Variants in SEPTIN14 observed in about 807,000 individuals in gnomAD.
SEPTIN14 encodes the protein septin 14.
A neutral mutation model predicts 53.6 loss-of-function variants in SEPTIN14; 40 were observed. The ratio of observed to expected loss-of-function variants is 0.75; its 90% CI spans 0.58 to 0.97. The LOEUF (loss-of-function observed/expected upper bound fraction) is 0.97, where lower values mean the gene tolerates loss of function less well. Among genes scored for constraint, SEPTIN14 ranks in the 50% least tolerant of loss-of-function variants. The pLI is 0.00. For missense variants in SEPTIN14, 471 were observed against 508.2 expected (o/e 0.93, Z 0.70); for synonymous variants, 138 against 166.8 (o/e 0.83, Z 1.33).
chr7:55,817,382 G>C (rs758822889), intron 7 of SEPTIN14, among the ~76,000 whole-genome samples: 1 of 151,694 alleles, frequency 6.6e-6, no homozygotes, highest in African/African-American at 2.4e-5. Flanking sequence ...TTGGTCAAAG[G>C]ATACAAAATT....
rs1788622164 is a variant in SEPTIN14 at position 55,807,127 on chromosome 7, C to T, written c.949G>A (p.Gly317Ser). 6 of 1,602,980 alleles carry T rather than the reference C, an allele frequency of 3.7e-6. No homozygotes were observed. The highest frequency in any genetic ancestry group is 5.1e-6 in the Non-Finnish European group (6 of 1,176,828). ...TTGTTTGGACCCACATCTGTAAAGC[C>T]CATTTTCTGCAGTTTTTGGTACCTA... Reference protein sequence around the residue: ...CYRYQKLQKMGFTDVGPNNQP... With the variant: ...CYRYQKLQKMSFTDVGPNNQP... Residue 317 changes from glycine (G) to serine (S), a missense_variant, in exon 8 of 10, where the codon GGC becomes AGC. Gly to Ser is a moderately conservative substitution (Grantham distance 56, BLOSUM62 0). Coordinates refer to ENST00000388975, the MANE Select transcript of SEPTIN14 (RefSeq NM_207366.3).
At chr7:55,818,687 A>G (rs1334027271) in intron 7 of SEPTIN14, among the ~76,000 whole-genome samples, 1 of 152,194 alleles carries the variant, frequency 6.6e-6, no homozygotes, top group Non-Finnish European at 1.5e-5. Flanking sequence ...TAAAAAGTTT[A>G]TAACTCTTTT....
chr7:55,826,871 G>T (rs1048933150), intron 6 of SEPTIN14, among the ~76,000 whole-genome samples: 1 of 151,544 alleles, frequency 6.6e-6, no homozygotes, highest in Admixed American at 6.6e-5. Context: ...GCACCCTTCT[G>T]AGAGCCCGGC....
At chr7:55,843,569 C>T (rs1458305741) in intron 4 of SEPTIN14, among the ~76,000 whole-genome samples, 1 of 152,182 alleles carries the variant, frequency 6.6e-6, no homozygotes, top group African/African-American at 2.4e-5. Flanking sequence ...CGCGGTGGCT[C>T]ACGCCTGTAA....
At chr7:55,845,967 T>C (rs1054588243) in intron 3 of SEPTIN14, among the ~76,000 whole-genome samples, 7 of 146,778 alleles carry the variant, frequency 4.8e-5, no homozygotes, top group African/African-American at 1.8e-4. Context: ...GAGAATGGCA[T>C]GAACCTGGGA....
chr7:55,856,621 G>A (rs73356295), intron 2 of SEPTIN14, among the ~76,000 whole-genome samples: 35,719 of 151,694 alleles, frequency 0.24, 5,153 homozygotes, highest in East Asian at 0.41. Flanking sequence ...TCAAACTCCT[G>A]ACCTCAGGTG....
chr7:55,821,149 G>A (rs1584258422), intron 6 of SEPTIN14, among the ~76,000 whole-genome samples: 1 of 152,098 alleles, frequency 6.6e-6, no homozygotes, highest in Non-Finnish European at 1.5e-5. Flanking sequence ...TTGAGAGTTG[G>A]AGGCTCCCTT....
At chr7:55,817,142 A>T (rs6593282) in intron 7 of SEPTIN14, among the ~76,000 whole-genome samples, 31,321 of 152,026 alleles carry the variant, frequency 0.21, 4,224 homozygotes, top group East Asian at 0.43. Context: ...GAAGAAAAAA[A>T]GTGTGGCATA....
Position 55,857,394 on chromosome 7 carries a change from A to AAGAGAAGAGAAGAGAAGAGAAAGAAGAG in SEPTIN14, c.54+4521_54+4548dup, listed in dbSNP as rs1260518414. ...TCTCGAAAAGAAAAGAAAAGGAAAA[A>AAGAGAAGAGAAGAGAAGAGAAAGAAGAG]AGAGAAGAGAAGAGAAGAGAAAGAA... On this transcript the variant is annotated intron_variant, in intron 2 of 9. Transcript: ENST00000388975. 0.014 allele frequency among the ~76,000 whole-genome samples: 1,840 copies of AAGAGAAGAGAAGAGAAGAGAAAGAAGAG among 127,718 alleles called. 116 individuals carry two copies. The East Asian group carries it at 0.18, about 12-fold the overall frequency. 83.8% of individuals were successfully genotyped at this position (127,718 alleles called of 152,430 possible).
intron 2 of SEPTIN14, among the ~76,000 whole-genome samples, chr7:55,850,471 A>G (rs557604134): frequency 2.0e-5 from 3 of 152,312 alleles, no homozygotes; most frequent in African/African-American, 7.2e-5. Context: ...TCCATCTCAA[A>G]AAAACAAACA....
chr7:55,838,991 C>T (rs1285048140), intron 5 of SEPTIN14, among the ~76,000 whole-genome samples: 1 of 152,202 alleles, frequency 6.6e-6, no homozygotes, highest in Non-Finnish European at 1.5e-5. Context: ...CCCACTCCTT[C>T]TCACCCTGGA....
intron 2 of SEPTIN14, among the ~76,000 whole-genome samples, chr7:55,859,747 G>GA (rs530112817): frequency 6.2e-4 from 94 of 151,362 alleles, no homozygotes; most frequent in Non-Finnish European, 1.1e-3. Flanking sequence ...ATACCCAAAG[G>GA]AAAAAAAATC....
chr7:55,803,835 C>G (rs1480794568), intron 9 of SEPTIN14, among the ~76,000 whole-genome samples: 3 of 151,818 alleles, frequency 2.0e-5, no homozygotes, highest in African/African-American at 7.3e-5. Context: ...TGGTTTAAGT[C>G]TTCATGAGGC....
At chr7:55,817,025 C>T (rs187590128) in intron 7 of SEPTIN14, among the ~76,000 whole-genome samples, 3 of 152,226 alleles carry the variant, frequency 2.0e-5, no homozygotes, top group African/African-American at 7.2e-5. Context: ...CTACTGGATA[C>T]ATTACCTCCC....
At chr7:55,853,573 A>G (rs993755064) in intron 2 of SEPTIN14, among the ~76,000 whole-genome samples, 3 of 152,184 alleles carry the variant, frequency 2.0e-5, no homozygotes, top group African/African-American at 7.2e-5. Flanking sequence ...GGGTACAAGG[A>G]TATAGTTAGA....
intron 6 of SEPTIN14, among the ~76,000 whole-genome samples, chr7:55,829,154 G>T (rs989865049): frequency 7.2e-5 from 11 of 151,832 alleles, no homozygotes; most frequent in Non-Finnish European, 1.6e-4. Context: ...CAAGACAGGT[G>T]GATTGCCTGA....
chr7:55,813,691 T>G (rs111922573), intron 7 of SEPTIN14, among the ~76,000 whole-genome samples: 5,232 of 152,036 alleles, frequency 0.034, 154 homozygotes, highest in Non-Finnish European at 0.056. Context: ...AACTTTATCT[T>G]ACAACTTGAG....
intron 2 of SEPTIN14, among the ~76,000 whole-genome samples, chr7:55,847,642 T>A (rs1789436980): frequency 6.6e-6 from 1 of 152,100 alleles, no homozygotes; most frequent in Non-Finnish European, 1.5e-5. Context: ...TATTATAGAG[T>A]CAACAATTTA....
chr7:55,817,091 C>T (rs536889151), intron 7 of SEPTIN14, among the ~76,000 whole-genome samples: 21 of 152,136 alleles, frequency 1.4e-4, no homozygotes, highest in East Asian at 7.7e-4. Context: ...TCACAAGAAC[C>T]AAGATATGGA....
Sources: allele counts gnomAD v4.1 joint callset (sites outside exome capture counted in the v4.1 genomes callset), GRCh38; gene constraint gnomAD v4.1.1; transcripts MANE v1.5; gene names NCBI Gene and HGNC (gene_info 2026-07-23, HGNC 2026-07-21).